Variants in CCDC7 observed in about 807,000 individuals in gnomAD.
CCDC7 encodes the protein coiled-coil domain-containing protein 7.
CCDC7 carries 183 observed loss-of-function variants against 196.9 expected under a neutral mutation model. That is an observed-to-expected ratio of 0.93 (90% CI 0.82 to 1.05). The LOEUF (loss-of-function observed/expected upper bound fraction) is 1.05. Among genes scored for constraint, CCDC7 ranks in the 50% least tolerant of loss-of-function variants. The probability of loss-of-function intolerance (pLI) is 0.00; values close to 1 mark genes in which losing one functional copy is unlikely to be tolerated. For synonymous variants in CCDC7, 525 were observed against 484.6 expected (o/e 1.08, Z -1.10); for missense variants, 1,540 against 1,482.2 (o/e 1.04, Z -0.64).
chr10:32,565,465 G>A, intron 13 of CCDC7, 93 bp from the exon 15 acceptor site: 3 of 1,270,802 alleles, frequency 2.4e-6, no homozygotes, highest in Admixed American at 4.5e-5. Context: ...CTTATCTTGG[G>A]TATCTATGGG....
chr10:32,606,947 T>C (rs569852021), intron 18 of CCDC7, among the ~76,000 whole-genome samples: 3 of 152,302 alleles, frequency 2.0e-5, no homozygotes, highest in Non-Finnish European at 4.4e-5. Flanking sequence ...TGCAGAATGA[T>C]ATGGTTTGGA....
At chr10:32,768,175 G>A (rs1355728452) in intron 28 of CCDC7, among the ~76,000 whole-genome samples, 1 of 152,010 alleles carries the variant, frequency 6.6e-6, no homozygotes, top group Non-Finnish European at 1.5e-5. Flanking sequence ...AACATTACAA[G>A]TATGGCTATT....
intron 18 of CCDC7, among the ~76,000 whole-genome samples, chr10:32,608,587 G>A (rs1022580957): frequency 1.2e-4 from 18 of 151,832 alleles, no homozygotes; most frequent in African/African-American, 2.4e-5. Context: ...TGTTGCCCAG[G>A]CGGTGTGCAG....
chr10:32,462,738 AACTT>A, intron 4 of CCDC7, 35 bp downstream of exon 5: 1 of 1,448,384 alleles, frequency 6.9e-7, no homozygotes, highest in South Asian at 1.3e-5. Context: ...AGCCTACTAA[AACTT>A]AACACAGAAA....
intron 20 of CCDC7, among the ~76,000 whole-genome samples, chr10:32,643,470 T>G (rs943884581): frequency 6.6e-6 from 1 of 152,218 alleles, no homozygotes; most frequent in East Asian, 1.9e-4. Flanking sequence ...TGTCTTTTTT[T>G]ATTCATAGAA....
At chr10:32,612,297 T>C (rs1270337210) in intron 18 of CCDC7, among the ~76,000 whole-genome samples, 2 of 152,238 alleles carry the variant, frequency 1.3e-5, no homozygotes, top group Non-Finnish European at 2.9e-5. Context: ...TGAAGTTGCT[T>C]ATCACCTTAA....
At chr10:32,677,993 T>A (rs2075294217) in intron 21 of CCDC7, among the ~76,000 whole-genome samples, 1 of 152,110 alleles carries the variant, frequency 6.6e-6, no homozygotes, top group Non-Finnish European at 1.5e-5. Flanking sequence ...AAGTCTGCTT[T>A]TGAGGCTATC....
At chr10:32,534,988 C>T (rs2135966063) in intron 11 of CCDC7, among the ~76,000 whole-genome samples, 1 of 152,004 alleles carries the variant, frequency 6.6e-6, no homozygotes, top group South Asian at 2.1e-4. Flanking sequence ...TCACTTTTTG[C>T]AGTGTAGAAA....
chr10:32,634,427 C>T (rs1033307185), intron 19 of CCDC7, 63 bp downstream of exon 20: 6 of 691,364 alleles, frequency 8.7e-6, no homozygotes, highest in Admixed American at 9.2e-5. Context: ...GATGGAGTCT[C>T]GCCCTGTCAC....
chr10:32,710,210 T>G (rs1235610569), intron 24 of CCDC7, among the ~76,000 whole-genome samples: 1 of 152,162 alleles, frequency 6.6e-6, no homozygotes, highest in African/African-American at 2.4e-5. Context: ...TGCAGGCAAA[T>G]AATCCATGCC....
At chr10:32,677,783 T>C (rs1392970121) in intron 21 of CCDC7, among the ~76,000 whole-genome samples, 1 of 152,154 alleles carries the variant, frequency 6.6e-6, no homozygotes, top group Non-Finnish European at 1.5e-5. Context: ...TCATTATTTC[T>C]TTAAATAAGC....
intron 21 of CCDC7, among the ~76,000 whole-genome samples, chr10:32,683,749 A>G (rs954677265): frequency 8.5e-5 from 13 of 152,120 alleles, no homozygotes; most frequent in African/African-American, 2.9e-4. Context: ...CCAATTGCCA[A>G]TGGGAATTCC....
At chr10:32,632,892 T>C (rs1425134826) in intron 18 of CCDC7, among the ~76,000 whole-genome samples, 3 of 152,222 alleles carry the variant, frequency 2.0e-5, no homozygotes, top group Non-Finnish European at 1.5e-5. Context: ...AAGTATATTT[T>C]AGAGCAACAC....
chr10:32,680,438 T>A (rs879479770), intron 21 of CCDC7, among the ~76,000 whole-genome samples: 2 of 149,200 alleles, frequency 1.3e-5, no homozygotes, highest in Admixed American at 6.7e-5. Flanking sequence ...TTTTTTTTTT[T>A]AATTTATTAT....
chr10:32,845,618 G>C, exon 35 of CCDC7: 6 of 1,610,374 alleles, frequency 3.7e-6, no homozygotes, highest in Non-Finnish European at 5.1e-6. Flanking sequence ...CAATTAAAAA[G>C]TCACCCAGGT....
chr10:32,685,065 A>G (rs763825957), intron 21 of CCDC7, among the ~76,000 whole-genome samples: 33 of 151,902 alleles, frequency 2.2e-4, no homozygotes, highest in Non-Finnish European at 4.0e-4. Flanking sequence ...ACCCTCCTTC[A>G]TCTTGTAGGT....
chr10:32,620,681 ATGGCTGAC>A (rs2063317577), intron 18 of CCDC7, among the ~76,000 whole-genome samples: 1 of 152,192 alleles, frequency 6.6e-6, no homozygotes, highest in African/African-American at 2.4e-5. Context: ...CTGTCCAGCC[ATGGCTGAC>A]TGAGCCAATC....
intron 32 of CCDC7, among the ~76,000 whole-genome samples, chr10:32,833,939 C>T (rs1196873824): frequency 6.6e-6 from 1 of 152,146 alleles, no homozygotes; most frequent in African/African-American, 2.4e-5. Context: ...GACCCAATTT[C>T]ACCCACAAAA....
chr10:32,844,071 A>G (rs1327904183), intron 33 of CCDC7, among the ~76,000 whole-genome samples: 1 of 151,946 alleles, frequency 6.6e-6, no homozygotes, highest in Non-Finnish European at 1.5e-5. Context: ...TTAGTTATAT[A>G]GTCTGCTATA....
Sources: allele counts gnomAD v4.1 joint callset (sites outside exome capture counted in the v4.1 genomes callset), GRCh38; gene constraint gnomAD v4.1.1; transcripts MANE v1.5; gene names NCBI Gene and HGNC (gene_info 2026-07-23, HGNC 2026-07-21).